The following OTUD7A variants were observed in gnomAD, a reference collection of about 807,000 sequenced individuals.
OTUD7A encodes OTU deubiquitinase 7A, also known as OTU domain-containing protein 7A.
A neutral mutation model predicts 65.7 loss-of-function variants in OTUD7A; 12 were observed. The ratio of observed to expected loss-of-function variants is 0.18; its 90% confidence interval spans 0.12 to 0.30. The LOEUF (loss-of-function observed/expected upper bound fraction) is 0.30, where lower values mean the gene tolerates loss of function less well. Ranked by LOEUF, OTUD7A falls within the 10% of genes least tolerant of loss-of-function variation. The pLI is 1.00. For synonymous variants in OTUD7A, 641 were observed against 586.3 expected (o/e 1.09, Z -1.35); for missense variants, 1,148 against 1,304.8 (o/e 0.88, Z 1.85).
At chr15:31,686,011 G>T (rs1231497941) in intron 1 of OTUD7A, among the ~76,000 whole-genome samples, 1 of 152,168 alleles carries the variant, frequency 6.6e-6, no homozygotes, top group African/African-American at 2.4e-5. Flanking sequence ...ATCTCACGGG[G>T]GACTGTGTCT....
intron 1 of OTUD7A, among the ~76,000 whole-genome samples, chr15:31,777,662 C>T (rs561248644): frequency 1.3e-5 from 2 of 152,246 alleles, no homozygotes; most frequent in African/African-American, 2.4e-5. Flanking sequence ...TCAGCCCAGG[C>T]CCCCAGGCAG....
At chr15:31,693,355 A>G (rs985089507) in intron 1 of OTUD7A, among the ~76,000 whole-genome samples, 1 of 152,254 alleles carries the variant, frequency 6.6e-6, no homozygotes, top group Non-Finnish European at 1.5e-5. Flanking sequence ...TCTAGAGGGA[A>G]ATGCAAGAAA....
At chr15:31,798,690 G>A (rs1411714587) in intron 1 of OTUD7A, among the ~76,000 whole-genome samples, 1 of 152,180 alleles carries the variant, frequency 6.6e-6, no homozygotes, top group Non-Finnish European at 1.5e-5. Context: ...GAGGCTCACT[G>A]GACCCCAGCA....
chr15:31,833,918 T>G (rs1366603855), intron 1 of OTUD7A, among the ~76,000 whole-genome samples: 1 of 152,230 alleles, frequency 6.6e-6, no homozygotes, highest in Non-Finnish European at 1.5e-5. Flanking sequence ...GCTCTGCTTT[T>G]TGGGGGGTCC....
intron 1 of OTUD7A, among the ~76,000 whole-genome samples, chr15:31,731,654 G>A (rs915751405): frequency 1.7e-4 from 26 of 152,280 alleles, no homozygotes; most frequent in African/African-American, 3.1e-4. Flanking sequence ...GTCTAAACCC[G>A]TGGAGTGTAC....
intron 1 of OTUD7A, among the ~76,000 whole-genome samples, chr15:31,831,890 C>A (rs181519180): frequency 7.2e-5 from 11 of 152,344 alleles, no homozygotes; most frequent in Admixed American, 7.2e-4. Context: ...TTGTGGATCC[C>A]TTTCATGTGA....
intron 1 of OTUD7A, among the ~76,000 whole-genome samples, chr15:31,780,764 T>A (rs540311355): frequency 3.3e-5 from 5 of 152,336 alleles, no homozygotes; most frequent in Non-Finnish European, 7.4e-5. Flanking sequence ...TTCCATCAAC[T>A]TTGCTTGCCA....
At chr15:31,762,463 G>A (rs8037451) in intron 1 of OTUD7A, among the ~76,000 whole-genome samples, 6,422 of 152,346 alleles carry the variant, frequency 0.042, 262 homozygotes, top group African/African-American at 0.11. Context: ...CAGAAAGACT[G>A]TGAAGAGGAG....
chr15:31,685,374 G>A (rs375379646), intron 1 of OTUD7A, among the ~76,000 whole-genome samples: 8 of 152,132 alleles, frequency 5.3e-5, no homozygotes, highest in African/African-American at 1.9e-4. Flanking sequence ...GGCTGGGTGC[G>A]GTGGCTCACG....
At chr15:31,642,717 G>T (rs915266524) in intron 3 of OTUD7A, among the ~76,000 whole-genome samples, 1 of 151,256 alleles carries the variant, frequency 6.6e-6, no homozygotes, top group Non-Finnish European at 1.5e-5. Context: ...TTAATATCTT[G>T]AGAATCTGTA....
chr15:31,532,808 C>T (rs1042849229), intron 5 of OTUD7A, among the ~76,000 whole-genome samples: 39 of 151,968 alleles, frequency 2.6e-4, no homozygotes, highest in African/African-American at 8.4e-4. Context: ...GTGGCGGGCG[C>T]CTGTAGTCCC....
intron 3 of OTUD7A, among the ~76,000 whole-genome samples, chr15:31,589,628 T>C (rs1448896842): frequency 6.6e-6 from 1 of 152,054 alleles, no homozygotes. Flanking sequence ...GTTTGCATTT[T>C]TTCAATGAAT....
At chr15:31,527,977 G>C (rs2042036539) in intron 6 of OTUD7A, among the ~76,000 whole-genome samples, 1 of 152,234 alleles carries the variant, frequency 6.6e-6, no homozygotes, top group Non-Finnish European at 1.5e-5. Context: ...CTCAAGAGAA[G>C]GGCAGCTCTG....
chr15:31,495,209 G>C (rs963743792), intron 10 of OTUD7A, among the ~76,000 whole-genome samples: 22 of 152,318 alleles, frequency 1.4e-4, no homozygotes, highest in African/African-American at 5.1e-4. Flanking sequence ...AGTTAACTGT[G>C]GCTGGCATCC....
chr15:31,714,359 AC>A (rs2141341014), intron 1 of OTUD7A, among the ~76,000 whole-genome samples: 1 of 152,278 alleles, frequency 6.6e-6, no homozygotes, highest in East Asian at 1.9e-4. Flanking sequence ...CATTCATCAC[AC>A]TGAGTTTAAA....
chr15:31,510,082 GT>G (rs35393343), intron 8 of OTUD7A, among the ~76,000 whole-genome samples: 4,346 of 119,886 alleles, frequency 0.036, 183 homozygotes, highest in African/African-American at 0.11. Flanking sequence ...TGTTTCCCCT[GT>G]TTTTTTTTTT....
chr15:31,491,484 G>A (rs1319830693), intron 10 of OTUD7A, among the ~76,000 whole-genome samples: 1 of 152,104 alleles, frequency 6.6e-6, no homozygotes. Flanking sequence ...AAAAGGAGGT[G>A]GGAAACTGAA....
At chr15:31,678,322 T>C (rs548087408) in intron 1 of OTUD7A, among the ~76,000 whole-genome samples, 6 of 152,168 alleles carry the variant, frequency 3.9e-5, no homozygotes, top group Admixed American at 2.6e-4. Flanking sequence ...GAAAAACCAA[T>C]TTTTTGAGGA....
At chr15:31,629,672 C>T (rs1001026516) in intron 3 of OTUD7A, among the ~76,000 whole-genome samples, 5 of 152,144 alleles carry the variant, frequency 3.3e-5, no homozygotes, top group Admixed American at 6.5e-5. Flanking sequence ...GGAATGGTAC[C>T]AGCTCCTCCT....
Sources: allele counts gnomAD v4.1 joint callset (sites outside exome capture counted in the v4.1 genomes callset), GRCh38; gene constraint gnomAD v4.1.1; transcripts MANE v1.5; gene names NCBI Gene and HGNC (gene_info 2026-07-23, HGNC 2026-07-21).